Variants in FOXP1 observed in about 807,000 individuals in gnomAD.
FOXP1 encodes the protein forkhead box P1, also known as forkhead box protein P1.
Under a neutral mutation model 98.2 loss-of-function variants are expected in FOXP1, and 15 were observed. The observed-to-expected ratio is 0.15, with a 90% confidence interval of 0.10 to 0.24. The LOEUF is 0.24. Among genes scored for constraint, FOXP1 ranks in the 10% least tolerant of loss-of-function variants. The probability of loss-of-function intolerance (pLI) is 1.00; values close to 1 mark genes in which losing one functional copy is unlikely to be tolerated. For missense variants in FOXP1, 633 were observed against 848.5 expected, an observed-to-expected ratio of 0.75 and a Z score of 3.15; for synonymous variants, 371 against 314.5, an observed-to-expected ratio of 1.18 and a Z score of -1.90.
At chr3:70,983,325 C>T (rs868729595) in intron 14 of FOXP1, among the ~76,000 whole-genome samples, 4 of 152,074 alleles carry the variant, frequency 2.6e-5, no homozygotes, top group Admixed American at 2.0e-4. Context: ...TATAAAACAG[C>T]TTTTGTGTAT....
intron 3 of FOXP1, among the ~76,000 whole-genome samples, chr3:71,439,669 C>A (rs147653288): frequency 6.6e-6 from 1 of 152,110 alleles, no homozygotes; most frequent in Non-Finnish European, 1.5e-5. Flanking sequence ...AGGGGCCAGG[C>A]GCAGCAGCTC....
intron 5 of FOXP1, among the ~76,000 whole-genome samples, chr3:71,230,614 T>G (rs1011751396): frequency 6.6e-6 from 1 of 152,084 alleles, no homozygotes; most frequent in African/African-American, 2.4e-5. Context: ...AAAACCAACA[T>G]CTAAAGTCTG....
At chr3:71,110,845 C>T (rs2057858862) in intron 7 of FOXP1, among the ~76,000 whole-genome samples, 13 of 152,226 alleles carry the variant, frequency 8.5e-5, no homozygotes, top group Admixed American at 8.5e-4. Flanking sequence ...CTTCTTATAG[C>T]ACCTGACATG....
intron 2 of FOXP1, chr3:71,570,335 T>G (rs1019601597): frequency 6.6e-6 from 1 of 152,074 alleles, no homozygotes; most frequent in Non-Finnish European, 1.5e-5. Flanking sequence ...AATCTAGGAT[T>G]ATTTTGAAAA....
At chr3:71,319,719 T>C (rs147972198) in intron 4 of FOXP1, among the ~76,000 whole-genome samples, 113 of 152,302 alleles carry the variant, frequency 7.4e-4, no homozygotes, top group Middle Eastern at 3.4e-3. Flanking sequence ...TAGGCTGCAT[T>C]TGGCAGAGTG....
rs1373539294 is a variant in FOXP1 at position 70,977,823 on chromosome 3, T to G, written c.1348+5A>C. 3 of 1,614,058 alleles carry G rather than the reference T, an allele frequency of 1.9e-6. No individual in the cohort carries two copies. Among genetic ancestry groups the G allele is most frequent in the Non-Finnish European group, 1.7e-6 (2 of 1,179,914 alleles). Reference sequence around the variant, plus strand: ...TCTACGTGAGGCAAAAGGTGGAGTATCTACCTGACGAAATGGGCACGTTGT... The same window carrying G: ...TCTACGTGAGGCAAAAGGTGGAGTAGCTACCTGACGAAATGGGCACGTTGT... On this transcript the variant is annotated splice_donor_5th_base_variant and intron_variant, in intron 15 of 20. Coordinates refer to ENST00000649528, the MANE Select transcript of FOXP1 (RefSeq NM_001349338.3).
At chr3:71,198,432 G>GGGGGGGGGGCCCCCCCCCCC in intron 5 of FOXP1, 40 bp from the exon 6 acceptor site, 1 of 491,034 alleles carries the variant, frequency 2.0e-6, no homozygotes, top group Non-Finnish European at 4.0e-6. Context: ...GGGAGGGGGG[G>GGGGGGGGGGCCCCCCCCCCC]AGAAAAAAAA....
intron 14 of FOXP1, among the ~76,000 whole-genome samples, chr3:70,981,191 CAAAA>C (rs71104406): frequency 6.8e-4 from 41 of 59,962 alleles, no homozygotes; most frequent in African/African-American, 1.5e-3. Flanking sequence ...CTCTTTCTAC[CAAAA>C]AAAAAAAAAA....
rs755916497 is a variant in FOXP1, at chr3:70,955,918, A to T, written c.*3329T>A. ...AAAAAGAAATCTTCAACTATGTTAC[A>T]GTTTAAAAGCAGAAAAAAAAAGTTA... is the stretch of plus-strand genomic sequence containing the variant. On this transcript the variant is annotated 3_prime_UTR_variant, in exon 21 of 21. Coordinates refer to ENST00000649528, the MANE Select transcript of FOXP1 (RefSeq NM_001349338.3). The T allele has an allele frequency of 2.1e-5, 5 of 233,132 alleles. No individual in the cohort carries two copies. The highest frequency in any genetic ancestry group is 4.2e-5 in the Non-Finnish European group (5 of 118,050). The allele number at this position is 233,132 out of a possible 1,614,324, so 14.4% of individuals were successfully genotyped here. A position where few individuals can be genotyped will look rare whatever the true frequency, so the allele number is the denominator to read the frequency against.
chr3:71,157,984 A>T (rs2060907052), intron 6 of FOXP1, among the ~76,000 whole-genome samples: 1 of 151,506 alleles, frequency 6.6e-6, no homozygotes, highest in Admixed American at 6.6e-5. Flanking sequence ...GCTACTGGGG[A>T]GGCTGAGGCG....
chr3:71,004,610 T>A (rs900791103), intron 12 of FOXP1, among the ~76,000 whole-genome samples: 25 of 152,124 alleles, frequency 1.6e-4, no homozygotes, highest in Admixed American at 1.6e-3. Flanking sequence ...ATACTTAACG[T>A]TGTGCACATT....
intron 7 of FOXP1, among the ~76,000 whole-genome samples, chr3:71,092,813 G>A (rs929351746): frequency 9.2e-5 from 14 of 151,852 alleles, no homozygotes; most frequent in African/African-American, 3.1e-4. Context: ...CTGGAGTATT[G>A]TCTTACACTG....
intron 18 of FOXP1, chr3:70,971,290 C>CGTTTA (rs1316018575): frequency 1.0e-5 from 2 of 191,618 alleles, no homozygotes; most frequent in African/African-American, 4.7e-5. Flanking sequence ...CCACAAGGCA[C>CGTTTA]GTTTATTGCC....
chr3:71,134,798 TTAACTA>T (rs1252574220), intron 6 of FOXP1, among the ~76,000 whole-genome samples: 2 of 152,148 alleles, frequency 1.3e-5, no homozygotes, highest in Admixed American at 6.5e-5. Flanking sequence ...TATGAAAACT[TTAACTA>T]TATAAGCTAA....
At chr3:71,450,641 C>T (rs1016195086) in intron 3 of FOXP1, among the ~76,000 whole-genome samples, 1 of 152,084 alleles carries the variant, frequency 6.6e-6, no homozygotes, top group Non-Finnish European at 1.5e-5. Flanking sequence ...ATGTTAATTT[C>T]GAACAAAACT....
At chr3:71,167,603 G>A (rs2061451175) in intron 6 of FOXP1, among the ~76,000 whole-genome samples, 1 of 152,156 alleles carries the variant, frequency 6.6e-6, no homozygotes, top group Non-Finnish European at 1.5e-5. Flanking sequence ...CTGACACTGT[G>A]TGTCAGTGTC....
chr3:71,323,981 T>C (rs1275659924), intron 4 of FOXP1, among the ~76,000 whole-genome samples: 1 of 152,116 alleles, frequency 6.6e-6, no homozygotes, highest in Non-Finnish European at 1.5e-5. Flanking sequence ...CAGGGCTGAA[T>C]TAGAATTAGA....
chr3:70,970,446 G>T, intron 19 of FOXP1: 1 of 436,900 alleles, frequency 2.3e-6, no homozygotes. Context: ...TGGTATTTTT[G>T]CCTCAAGTGA....
At chr3:71,348,546 T>C (rs62245965) in intron 4 of FOXP1, among the ~76,000 whole-genome samples, 56,147 of 130,936 alleles carry the variant, frequency 0.43, 12,733 homozygotes, top group East Asian at 0.71. Context: ...TGTGTGTGTG[T>C]GTGCGTGCGC....
Sources: allele counts gnomAD v4.1 joint callset (sites outside exome capture counted in the v4.1 genomes callset), GRCh38; gene constraint gnomAD v4.1.1; transcripts MANE v1.5; gene names NCBI Gene and HGNC (gene_info 2026-07-23, HGNC 2026-07-21).